Variants in AADACL4 observed in about 807,000 individuals in gnomAD.
AADACL4 encodes the protein arylacetamide deacetylase-like 4.
A neutral mutation model predicts 14.1 loss-of-function variants in AADACL4; 9 were observed. That is an observed-to-expected ratio of 0.64 (90% confidence interval 0.39 to 1.12). The LOEUF is 1.12. Ranked by LOEUF, AADACL4 falls within the 50% of genes most tolerant of loss-of-function variation. The pLI is 0.01. For synonymous variants in AADACL4, 188 were observed against 201.6 expected (o/e 0.93, Z 0.57); for missense variants, 531 against 516.1 (o/e 1.03, Z -0.28).
At position 12,666,151 on chromosome 1, in the gene AADACL4, CG is replaced by C; in HGVS notation, c.642del (p.Ile215SerfsTer6). 2 of 1,614,252 alleles carry C rather than the reference CG, an allele frequency of 1.2e-6. No individual in the cohort carries two copies. Among genetic ancestry groups the C allele is most frequent in the Non-Finnish European group, 1.7e-6 (2 of 1,180,048 alleles). Reference sequence around the variant, plus strand: ...CTTGGTGGGCAGATCAGATCTTCCCCGGATCCGGGCTCAGGTTCTGATTTAT... The same window carrying C: ...CTTGGTGGGCAGATCAGATCTTCCCCGATCCGGGCTCAGGTTCTGATTTAT... ...QALVGRSDLPRIRAQVLIYPV... is the reference protein window; with the variant it reads ...QALVGRSDLPXIRAQVLIYPV... On this transcript the variant is annotated frameshift_variant, in exon 4 of 4. Coordinates refer to ENST00000376221, the MANE Select transcript of AADACL4 (RefSeq NM_001013630.2). LOFTEE classifies it low-confidence loss of function (END_TRUNC).
At position 12,666,052 on chromosome 1, in the gene AADACL4, GGGGTGGACCCCTCCA is replaced by G; in HGVS notation, c.546_560del (p.Asp183_Val187del). On this transcript the variant is annotated inframe_deletion, in exon 4 of 4. Coordinates refer to ENST00000376221, the MANE Select transcript of AADACL4 (RefSeq NM_001013630.2). Reference sequence around the variant, plus strand: ...CTTCCTGAAGGCCCTGGAAACCTATGGGGTGGACCCCTCCAGGGTTGTGGTCTGTGGAGAAAGCGT... The same window carrying G: ...CTTCCTGAAGGCCCTGGAAACCTATGGGGTTGTGGTCTGTGGAGAAAGCGT... 2.5e-6 allele frequency: 4 copies of G among 1,614,228 alleles called. No individual in the cohort carries two copies. The highest frequency in any genetic ancestry group is 2.5e-6 in the Non-Finnish European group (3 of 1,180,034).
At chr1:12,651,005 C>A in intron 1 of AADACL4, 118 bp from the exon 2 acceptor site, 1 of 974,356 alleles carries the variant, frequency 1.0e-6, no homozygotes, top group Non-Finnish European at 1.6e-6. Flanking sequence ...GCCCCCTGTA[C>A]CTACAGGAGG....
intron 3 of AADACL4, among the ~76,000 whole-genome samples, chr1:12,665,469 C>A (rs1647302003): frequency 6.6e-6 from 1 of 152,196 alleles, no homozygotes; most frequent in Admixed American, 6.5e-5. Context: ...TCGTGATCCA[C>A]CCGCCTTGGC....
At position 12,644,264 on chromosome 1, in the gene AADACL4, A is replaced by C. The variant is rs1647095925; in HGVS notation, c.-283A>C. On this transcript the variant is annotated 5_prime_UTR_variant, in exon 1 of 4. Transcript: ENST00000376221. ...GAGCCGAGGTGCCCATCTGAGCCTGATCTTCCTGAAATCTTTGGGAAGCTC... is the reference window on the plus strand; with the variant it reads ...GAGCCGAGGTGCCCATCTGAGCCTGCTCTTCCTGAAATCTTTGGGAAGCTC... Among the ~76,000 whole-genome samples the C allele has an allele frequency of 6.6e-6, 1 of 152,186 alleles. No homozygotes were observed. The highest frequency in any genetic ancestry group is 1.5e-5 in the Non-Finnish European group (1 of 68,034).
At chr1:12,649,692 C>G (rs979420261) in intron 1 of AADACL4, among the ~76,000 whole-genome samples, 7 of 152,164 alleles carry the variant, frequency 4.6e-5, no homozygotes, top group Admixed American at 3.3e-4. Flanking sequence ...CTGGCCAGGA[C>G]CCACTGGGGA....
rs1474740506 is a variant in AADACL4, at chr1:12,665,944, C to T, written c.450-17C>T. The stretch of plus-strand genomic sequence containing the variant: ...CTGTCCACACTGGTGTAGTGTTGCT[C>T]CCTGTTTTCGTTTTAGGTACCGCAA... On this transcript the variant is annotated splice_polypyrimidine_tract_variant and intron_variant, in intron 3 of 3. Transcript: ENST00000376221. 2 of 1,590,886 alleles carry T rather than the reference C, an allele frequency of 1.3e-6. No homozygotes were observed.
At chr1:12,662,639 G>A (rs1290807988) in intron 3 of AADACL4, among the ~76,000 whole-genome samples, 3 of 152,220 alleles carry the variant, frequency 2.0e-5, no homozygotes, top group Admixed American at 6.5e-5. Flanking sequence ...CTGGGAAAGA[G>A]TTTAGAGAAG....
In AADACL4 at chr1:12,665,066, C is replaced by A. The variant is rs143457805; in HGVS notation, c.450-895C>A. ...TCAGAACACTCCCTGCCCCTCTTGC[C>A]TCCCACACTGGAGTGCAGTGGTGTA... On this transcript the variant is annotated intron_variant, in intron 3 of 3. Coordinates refer to ENST00000376221, the MANE Select transcript of AADACL4 (RefSeq NM_001013630.2). Among the ~76,000 whole-genome samples the A allele has an allele frequency of 1.1e-4, 17 of 152,280 alleles. No individual in the cohort carries two copies. In the South Asian group the frequency reaches 2.1e-3, roughly 19 times the overall value.
In AADACL4 at chr1:12,666,729, C is replaced by T; in HGVS notation, c.1218C>T (p.Gly406=). ...ATGCTGTAGTCAGTTATATAAAGGGCATATGATAGTAACCCTGGGGCCCCG... is the reference window on the plus strand; with the variant it reads ...ATGCTGTAGTCAGTTATATAAAGGGTATATGATAGTAACCCTGGGGCCCCG... ...IVNAVVSYIK[G]I Residue 406 remains glycine, a synonymous_variant, in exon 4 of 4, where the codon GGC becomes GGT. Coordinates refer to ENST00000376221, the MANE Select transcript of AADACL4 (RefSeq NM_001013630.2). 6.2e-7 allele frequency: 1 copy of T among 1,602,518 alleles called. No homozygotes were observed.
intron 3 of AADACL4, 136 bp downstream of exon 3, chr1:12,661,990 A>G: frequency 1.0e-6 from 1 of 991,476 alleles, no homozygotes; most frequent in Non-Finnish European, 1.5e-6. Context: ...AGACAGGCGC[A>G]GCAGTGCTCG....
rs1570424470 is a variant in AADACL4, at chr1:12,646,911, T to C, written c.168+2197T>C. ...TGTTCATTCGGTTCCAGAGGACAGA[T>C]AGACAACACAGGAACAAGAAGTTTA... On this transcript the variant is annotated intron_variant, in intron 1 of 3. Transcript: ENST00000376221. 3.3e-5 allele frequency among the ~76,000 whole-genome samples: 5 copies of C among 152,120 alleles called. No homozygotes were observed. The South Asian group carries it at 1.0e-3, about 32-fold the overall frequency.
intron 2 of AADACL4, among the ~76,000 whole-genome samples, chr1:12,660,089 G>T (rs2265708): frequency 9.9e-5 from 15 of 152,054 alleles, no homozygotes; most frequent in Non-Finnish European, 1.3e-4. Context: ...AAGTGTTGGG[G>T]TTACAGGAGT....
At chr1:12,658,389 G>A (rs1044899901) in intron 2 of AADACL4, among the ~76,000 whole-genome samples, 6 of 151,954 alleles carry the variant, frequency 3.9e-5, no homozygotes, top group African/African-American at 1.5e-4. Flanking sequence ...CTCCCAAGCA[G>A]CTGAGATTAC....
intron 1 of AADACL4, among the ~76,000 whole-genome samples, chr1:12,649,409 C>T (rs1054421224): frequency 6.6e-6 from 1 of 152,146 alleles, no homozygotes; most frequent in African/African-American, 2.4e-5. Flanking sequence ...CAACAGGGGC[C>T]ACGACTTAGG....
intron 2 of AADACL4, among the ~76,000 whole-genome samples, chr1:12,658,401 G>A (rs1474273588): frequency 6.6e-6 from 1 of 152,022 alleles, no homozygotes; most frequent in Non-Finnish European, 1.5e-5. Context: ...TGAGATTACA[G>A]GCGCGTGCCA....
intron 2 of AADACL4, among the ~76,000 whole-genome samples, chr1:12,652,868 A>G (rs180735910): frequency 7.1e-4 from 108 of 152,326 alleles, no homozygotes; most frequent in African/African-American, 2.5e-3. Flanking sequence ...GGTCTTAGCC[A>G]GCTTGGTCCA....
intron 2 of AADACL4, among the ~76,000 whole-genome samples, chr1:12,653,925 A>G (rs1647165585): frequency 6.6e-6 from 1 of 152,178 alleles, no homozygotes; most frequent in Admixed American, 6.5e-5. Context: ...ATATCCACGT[A>G]TTAGAGTATC....
chr1:12,659,060 T>G (rs113894790), intron 2 of AADACL4, among the ~76,000 whole-genome samples: 2 of 152,178 alleles, frequency 1.3e-5, no homozygotes, highest in African/African-American at 4.8e-5. Flanking sequence ...TGGATATGGA[T>G]GTATGGACCG....
intron 2 of AADACL4, among the ~76,000 whole-genome samples, chr1:12,651,938 C>T (rs1647151251): frequency 6.6e-6 from 1 of 151,298 alleles, no homozygotes; most frequent in South Asian, 2.1e-4. Flanking sequence ...ACGCCATTCT[C>T]CTGCCTCAGC....
Sources: gnomAD v4.1 joint callset for allele counts (sites outside exome capture counted in the v4.1 genomes callset) on GRCh38, gnomAD v4.1.1 for gene constraint, MANE v1.5 for transcripts, NCBI Gene and HGNC (gene_info 2026-07-23, HGNC 2026-07-21) for gene names.